The following GPR35 variants were observed in gnomAD, a reference collection of about 807,000 sequenced individuals.
The protein encoded by GPR35 is KYNA receptor.
For synonymous variants in GPR35, 207 were observed against 198.4 expected (o/e 1.04, Z -0.36); for missense variants, 372 against 422.5 (o/e 0.88, Z 1.05).
In GPR35 at chr2:240,632,082, TGA is replaced by T. The variant is rs2043454750; in HGVS notation, c.*1202_*1203del. Among the ~76,000 whole-genome samples the T allele has an allele frequency of 1.6e-5, 1 of 62,226 alleles. No individual in the cohort carries two copies. Among genetic ancestry groups the T allele is most frequent in the African/African-American group, 3.3e-5 (1 of 30,056 alleles). The allele number at this position is 62,226 out of a possible 152,430, so 40.8% of individuals were successfully genotyped here. A position where few individuals can be genotyped will look rare whatever the true frequency, so the allele number is the denominator to read the frequency against. ...GAAGGTCCATGCCCAGGATGGTCCA[TGA>T]GCAGGAGGGCCTCATTCCCAGGAGG... On this transcript the variant is annotated 3_prime_UTR_variant, in exon 2 of 2. Transcript: ENST00000407714.
chr2:240,608,709 G>A (rs1284869601), intron 2 of GPR35, among the ~76,000 whole-genome samples: 1 of 151,926 alleles, frequency 6.6e-6, no homozygotes, highest in Non-Finnish European at 1.5e-5. Context: ...TTCTTTTCTT[G>A]TAATATCTTT....
chr2:240,623,436 G>GTGAGGGTGCAAACAGGTCA (rs1559437705), upstream of GPR35, among the ~76,000 whole-genome samples: 23 of 55,048 alleles, frequency 4.2e-4, no homozygotes, highest in East Asian at 2.1e-3. Context: ...CAAACAGGTC[G>GTGAGGGTGCAAACAGGTCA]TGAGGGCGCA....
chr2:240,631,141 A>G lies in GPR35; in HGVS notation c.*259A>G, dbSNP rs151129330. ...CCCGGGATGGGGCCTCACACTTGCC[A>G]CCCCCAGAACCAGCTCACCTGGCCA... On this transcript the variant is annotated 3_prime_UTR_variant, in exon 2 of 2. Transcript: ENST00000407714. 1,131 of 525,028 alleles carry G rather than the reference A, an allele frequency of 2.2e-3. 8 individuals are homozygous for G. The highest frequency in any genetic ancestry group is 0.017 in the African/African-American group (894 of 52,570). 32.5% of individuals were successfully genotyped at this position (525,028 alleles called of 1,614,324 possible).
chr2:240,621,099 G>A (rs933442845), upstream of GPR35, among the ~76,000 whole-genome samples: 10 of 152,180 alleles, frequency 6.6e-5, no homozygotes, highest in African/African-American at 2.4e-4. Context: ...CCTCTCTCGG[G>A]GTCCACAACT....
upstream of GPR35, among the ~76,000 whole-genome samples, chr2:240,622,053 T>TC (rs1553614888): frequency 2.0e-5 from 3 of 151,534 alleles, no homozygotes; most frequent in Non-Finnish European, 4.4e-5. Flanking sequence ...TTTTTTTTTT[T>TC]ACTTTTTGTA....
At chr2:240,620,461 G>T (rs572329411) in intron 5 of GPR35, among the ~76,000 whole-genome samples, 4 of 152,268 alleles carry the variant, frequency 2.6e-5, no homozygotes, top group Admixed American at 2.6e-4. Flanking sequence ...CTGGTGAAGG[G>T]AGGCGTGGGC....
chr2:240,616,825 T>G (rs1208492308), intron 3 of GPR35: 1 of 685,734 alleles, frequency 1.5e-6, no homozygotes, highest in African/African-American at 1.8e-5. Context: ...CTTGGATGCA[T>G]ACTCTCTCTC....
exon 5 of GPR35, chr2:240,618,971 C>A: frequency 1.4e-6 from 1 of 702,866 alleles, no homozygotes; most frequent in Non-Finnish European, 2.6e-6. Context: ...GCTGTCCCCA[C>A]TCCACACCGT....
rs1348459873 is a variant in GPR35 at position 240,631,703 on chromosome 2, G to C, written c.*821G>C. On this transcript the variant is annotated 3_prime_UTR_variant, in exon 2 of 2. Coordinates refer to ENST00000407714, the MANE Select transcript of GPR35 (RefSeq NM_005301.5). ...GGGGTTGGGTGCCCACTCAGGTAAAGGCACGATGTCCTGCTGGTTTCTGCC... is the reference window on the plus strand; with the variant it reads ...GGGGTTGGGTGCCCACTCAGGTAAACGCACGATGTCCTGCTGGTTTCTGCC... 6.6e-6 allele frequency among the ~76,000 whole-genome samples: 1 copy of C among 152,186 alleles called. No homozygotes were observed. Among genetic ancestry groups the C allele is most frequent in the Non-Finnish European group, 1.5e-5 (1 of 68,038 alleles).
intron 1 of GPR35, 90 bp from the exon 2 acceptor site, chr2:240,629,859 C>G: frequency 8.6e-7 from 1 of 1,161,116 alleles, no homozygotes. Flanking sequence ...CCTCCTCCCA[C>G]ATCCCTGCCC....
Position 240,632,522 on chromosome 2 carries a change from C to G in GPR35, c.*1640C>G, listed in dbSNP as rs961485168. On this transcript the variant is annotated 3_prime_UTR_variant, in exon 2 of 2. Coordinates refer to ENST00000407714, the MANE Select transcript of GPR35 (RefSeq NM_005301.5). ...CAGGAGGGTCCATGTCAAGGAGGTT[C>G]CATGCCCAGGAGGGTCCATGCTGAG... Among the ~76,000 whole-genome samples, 18 of 149,810 alleles carry G rather than the reference C, an allele frequency of 1.2e-4. No homozygotes were observed. Among genetic ancestry groups the G allele is most frequent in the Admixed American group, 1.1e-3 (17 of 15,106 alleles).
chr2:240,611,590 C>A (rs2043182768), intron 2 of GPR35, among the ~76,000 whole-genome samples: 1 of 152,158 alleles, frequency 6.6e-6, no homozygotes, highest in Admixed American at 6.5e-5. Flanking sequence ...ATGACACTGA[C>A]ATATGTGGCC....
At chr2:240,617,160 A>G in exon 4 of GPR35, 1 of 714,634 alleles carries the variant, frequency 1.4e-6, no homozygotes, top group East Asian at 2.7e-5. Context: ...CCCGGCTGAC[A>G]CCTGGATTGC....
chr2:240,615,708 C>T (rs1440339629), intron 2 of GPR35, among the ~76,000 whole-genome samples: 2 of 152,252 alleles, frequency 1.3e-5, no homozygotes, highest in Non-Finnish European at 2.9e-5. Flanking sequence ...CACATGACCA[C>T]AGTAAGCATT....
In GPR35 at chr2:240,630,829, C is replaced by T. The variant is rs145091313; in HGVS notation, c.877C>T (p.Pro293Ser). The T allele has an allele frequency of 6.2e-7, 1 of 1,613,224 alleles. No homozygotes were observed. The highest frequency in any genetic ancestry group is 8.5e-7 in the Non-Finnish European group (1 of 1,179,996). ...FQEASALAVA[P>S]SAKAHKSQDS... ...GGAGGCGTCTGCACTGGCCGTGGCT[C>T]CCAGTGCTAAGGCCCACAAAAGCCA... is the stretch of plus-strand genomic sequence containing the variant. Residue 293 changes from proline (P) to serine (S), a missense_variant, in exon 2 of 2, where the codon CCC (proline) becomes TCC (serine). Physicochemically the swap from Pro to Ser is moderately conservative, Grantham distance 74 (BLOSUM62 -1). Transcript: ENST00000407714.
At chr2:240,622,875 C>T (rs1306988372), upstream of GPR35, among the ~76,000 whole-genome samples, 1 of 152,194 alleles carries the variant, frequency 6.6e-6, no homozygotes, top group African/African-American at 2.4e-5. Context: ...GGCAGTGCCC[C>T]CGTGCCCACA....
chr2:240,620,395 G>T (rs949040599), intron 5 of GPR35, among the ~76,000 whole-genome samples: 2 of 152,110 alleles, frequency 1.3e-5, no homozygotes, highest in South Asian at 2.1e-4. Flanking sequence ...GCCCCTGAGT[G>T]CCCAGGGGCC....
At chr2:240,624,147 C>G (rs1339315629), upstream of GPR35, among the ~76,000 whole-genome samples, 2 of 152,282 alleles carry the variant, frequency 1.3e-5, no homozygotes, top group African/African-American at 2.4e-5. Flanking sequence ...CCCTGCTTGA[C>G]GGCGGCCGGG....
chr2:240,611,971 G>A (rs773224088), intron 2 of GPR35, among the ~76,000 whole-genome samples: 3 of 152,070 alleles, frequency 2.0e-5, no homozygotes, highest in Non-Finnish European at 4.4e-5. Flanking sequence ...GCCAGCGAAG[G>A]AGCAAAACAA....
Sources: gnomAD v4.1 joint callset for allele counts (sites outside exome capture counted in the v4.1 genomes callset) on GRCh38, gnomAD v4.1.1 for gene constraint, MANE v1.5 for transcripts, NCBI Gene and HGNC (gene_info 2026-07-23, HGNC 2026-07-21) for gene names.